Variants in JAZF1 observed in about 807,000 individuals in gnomAD.
JAZF1 encodes JAZF zinc finger 1.
JAZF1 carries 8 observed loss-of-function variants against 26.4 expected under a neutral mutation model. That is an observed-to-expected ratio of 0.30 (90% CI 0.18 to 0.55). The LOEUF is 0.55. Among genes scored for constraint, JAZF1 ranks in the 20% least tolerant of loss-of-function variants. The pLI is 0.94. For synonymous variants in JAZF1, 126 were observed against 122.3 expected, an observed-to-expected ratio of 1.03 and a Z score of -0.20; for missense variants, 199 against 322.0, an observed-to-expected ratio of 0.62 and a Z score of 2.92.
At chr7:27,983,429 T>A (rs1785628209) in intron 2 of JAZF1, among the ~76,000 whole-genome samples, 1 of 152,042 alleles carries the variant, frequency 6.6e-6, no homozygotes, top group Non-Finnish European at 1.5e-5. Flanking sequence ...AACCAAAGCC[T>A]CCAAGAAATA....
chr7:28,073,001 G>A (rs1195413825), intron 1 of JAZF1, among the ~76,000 whole-genome samples: 2 of 152,080 alleles, frequency 1.3e-5, no homozygotes, highest in Admixed American at 6.5e-5. Flanking sequence ...GCTCAGAAAA[G>A]GAAACTCCAG....
intron 1 of JAZF1, among the ~76,000 whole-genome samples, chr7:28,129,041 T>C (rs1782747401): frequency 1.3e-5 from 2 of 152,126 alleles, no homozygotes; most frequent in African/African-American, 2.4e-5. Context: ...TCTGTTTTTA[T>C]GCAAGACTCT....
At chr7:28,041,255 G>A (rs908809674) in intron 1 of JAZF1, among the ~76,000 whole-genome samples, 2 of 152,174 alleles carry the variant, frequency 1.3e-5, no homozygotes, top group East Asian at 1.9e-4. Context: ...GTGCACGAGT[G>A]TGTATGATTT....
chr7:28,150,191 T>A (rs1002925824), intron 1 of JAZF1, among the ~76,000 whole-genome samples: 1 of 152,202 alleles, frequency 6.6e-6, no homozygotes, highest in Non-Finnish European at 1.5e-5. Context: ...GGCAGGGTAC[T>A]GCTTCAGGGA....
At chr7:28,133,275 G>C (rs1782825829) in intron 1 of JAZF1, among the ~76,000 whole-genome samples, 1 of 152,202 alleles carries the variant, frequency 6.6e-6, no homozygotes, top group Non-Finnish European at 1.5e-5. Context: ...AGGAATGAGA[G>C]TTTTGACTGA....
At chr7:27,902,591 C>G (rs1562524239) in intron 2 of JAZF1, among the ~76,000 whole-genome samples, 1 of 152,188 alleles carries the variant, frequency 6.6e-6, no homozygotes, top group Non-Finnish European at 1.5e-5. Flanking sequence ...ATTTTCTCAT[C>G]TATAAATGGT....
chr7:27,946,947 G>GA (rs1159462240), intron 2 of JAZF1, among the ~76,000 whole-genome samples: 8 of 151,898 alleles, frequency 5.3e-5, no homozygotes, highest in Non-Finnish European at 1.5e-5. Flanking sequence ...CTGCCCTAAA[G>GA]AAAAAAAAGA....
chr7:27,883,646 C>T (rs1363482081), intron 3 of JAZF1, among the ~76,000 whole-genome samples: 5 of 152,154 alleles, frequency 3.3e-5, no homozygotes, highest in Non-Finnish European at 5.9e-5. Context: ...AATTTTCTTT[C>T]TGGTAATATT....
intron 1 of JAZF1, among the ~76,000 whole-genome samples, chr7:28,099,056 G>C (rs1318523836): frequency 4.6e-5 from 7 of 152,218 alleles, no homozygotes; most frequent in Non-Finnish European, 1.0e-4. Flanking sequence ...AGGGATGCCA[G>C]CACCACTTTC....
intron 1 of JAZF1, among the ~76,000 whole-genome samples, chr7:28,082,711 C>T (rs1462481632): frequency 2.0e-5 from 3 of 152,112 alleles, no homozygotes; most frequent in Admixed American, 2.0e-4. Flanking sequence ...GGAACCTTAC[C>T]CCTCACATCC....
chr7:28,144,714 T>C (rs1783000461), intron 1 of JAZF1, among the ~76,000 whole-genome samples: 1 of 152,190 alleles, frequency 6.6e-6, no homozygotes, highest in African/African-American at 2.4e-5. Flanking sequence ...AGTATAATCA[T>C]CTAGCAGCAA....
intron 1 of JAZF1, among the ~76,000 whole-genome samples, chr7:28,026,743 A>C (rs1309656252): frequency 6.6e-6 from 1 of 152,162 alleles, no homozygotes; most frequent in East Asian, 1.9e-4. Flanking sequence ...CATTTACTAA[A>C]CGTTCTCTCA....
intron 1 of JAZF1, among the ~76,000 whole-genome samples, chr7:28,140,379 A>G (rs879706760): frequency 1.3e-5 from 2 of 152,144 alleles, no homozygotes; most frequent in Non-Finnish European, 2.9e-5. Context: ...CACCATGCCC[A>G]GCCAAAAGTC....
At chr7:28,093,796 G>C (rs563651518) in intron 1 of JAZF1, among the ~76,000 whole-genome samples, 21 of 152,314 alleles carry the variant, frequency 1.4e-4, no homozygotes, top group African/African-American at 5.1e-4. Context: ...CTTGTCCACT[G>C]TCTCTTTTCA....
chr7:27,913,206 AT>A (rs1169890882), intron 2 of JAZF1, among the ~76,000 whole-genome samples: 3 of 150,686 alleles, frequency 2.0e-5, no homozygotes, highest in African/African-American at 7.3e-5. Context: ...TTAAAAAAAA[AT>A]TTATATACAT....
At chr7:28,103,633 A>G (rs1269768336) in intron 1 of JAZF1, among the ~76,000 whole-genome samples, 5 of 151,864 alleles carry the variant, frequency 3.3e-5, no homozygotes, top group Non-Finnish European at 5.9e-5. Context: ...CAGGTCAACC[A>G]CTCTGGAGTC....
intron 1 of JAZF1, among the ~76,000 whole-genome samples, chr7:28,004,022 C>A (rs1426254005): frequency 6.6e-6 from 1 of 152,150 alleles, no homozygotes. Flanking sequence ...CCTGCCAACA[C>A]ACATACAAAA....
chr7:27,902,474 A>G (rs1393825369), intron 2 of JAZF1, among the ~76,000 whole-genome samples: 1 of 152,182 alleles, frequency 6.6e-6, no homozygotes, highest in Non-Finnish European at 1.5e-5. Flanking sequence ...AGCAGTTAAG[A>G]GGGTGGGCTT....
intron 2 of JAZF1, among the ~76,000 whole-genome samples, chr7:27,947,607 T>C (rs1807346952): frequency 6.6e-6 from 1 of 152,210 alleles, no homozygotes; most frequent in Non-Finnish European, 1.5e-5. Context: ...TCCATGACTA[T>C]GTGTAAACCA....
Sources: gnomAD v4.1 joint callset for allele counts (sites outside exome capture counted in the v4.1 genomes callset) on GRCh38, gnomAD v4.1.1 for gene constraint, MANE v1.5 for transcripts, NCBI Gene and HGNC (gene_info 2026-07-23, HGNC 2026-07-21) for gene names.